The following SORCS3 variants were observed in gnomAD, a reference collection of about 807,000 sequenced individuals.
SORCS3 encodes the protein sortilin related VPS10 domain containing receptor 3, also known as VPS10 domain-containing receptor SorCS3.
SORCS3 carries 57 observed loss-of-function variants against 146.3 expected under a neutral mutation model. The ratio of observed to expected loss-of-function variants is 0.39; its 90% CI spans 0.31 to 0.49. SORCS3 has a LOEUF of 0.49. SORCS3 is among the 20% of genes least tolerant of loss of function. SORCS3 has a pLI of 0.92. For missense variants in SORCS3, 1,341 were observed against 1,575.5 expected (o/e 0.85, Z 2.52); for synonymous variants, 653 against 618.5 (o/e 1.06, Z -0.83).
chr10:104,859,347 G>C (rs1460121172), intron 2 of SORCS3, among the ~76,000 whole-genome samples: 3 of 152,090 alleles, frequency 2.0e-5, no homozygotes, highest in African/African-American at 7.2e-5. Flanking sequence ...AATGGTGCTG[G>C]GAAAATTGGC....
At chr10:104,931,856 C>T (rs533710094) in intron 3 of SORCS3, among the ~76,000 whole-genome samples, 1 of 152,320 alleles carries the variant, frequency 6.6e-6, no homozygotes, top group African/African-American at 2.4e-5. Flanking sequence ...AGAAGAATAG[C>T]ATGAAGATAG....
At chr10:104,732,332 G>A (rs1484029028) in intron 1 of SORCS3, among the ~76,000 whole-genome samples, 1 of 152,170 alleles carries the variant, frequency 6.6e-6, no homozygotes, top group East Asian at 1.9e-4. Context: ...AGAAACAGAA[G>A]CATGAGGTCA....
intron 1 of SORCS3, among the ~76,000 whole-genome samples, chr10:104,656,118 G>A (rs1331494941): frequency 6.6e-5 from 10 of 152,150 alleles, no homozygotes; most frequent in African/African-American, 2.4e-4. Context: ...TTTAACTTAG[G>A]AAGGGCAGAG....
intron 1 of SORCS3, among the ~76,000 whole-genome samples, chr10:104,678,870 A>G (rs572691485): frequency 6.6e-6 from 1 of 152,302 alleles, no homozygotes; most frequent in East Asian, 1.9e-4. Context: ...CCCAAGCCAA[A>G]CAAGAGAATC....
At chr10:105,195,315 A>G (rs999179389) in intron 14 of SORCS3, among the ~76,000 whole-genome samples, 1 of 152,140 alleles carries the variant, frequency 6.6e-6, no homozygotes, top group Non-Finnish European at 1.5e-5. Flanking sequence ...ATTATTATCA[A>G]TTAGAAGCGG....
At chr10:104,941,534 TC>T (rs891710717) in intron 3 of SORCS3, among the ~76,000 whole-genome samples, 3 of 152,152 alleles carry the variant, frequency 2.0e-5, no homozygotes, top group Admixed American at 2.0e-4. Flanking sequence ...TCTTTAGGGT[TC>T]TCAAGGCCAC....
At chr10:105,137,219 C>G (rs1167592889) in intron 7 of SORCS3, among the ~76,000 whole-genome samples, 1 of 152,114 alleles carries the variant, frequency 6.6e-6, no homozygotes, top group African/African-American at 2.4e-5. Flanking sequence ...GACTTGCCTT[C>G]TCGGATGCTG....
chr10:104,991,502 CCT>C (rs1491439249), intron 4 of SORCS3, among the ~76,000 whole-genome samples: 6 of 140,422 alleles, frequency 4.3e-5, no homozygotes, highest in African/African-American at 5.9e-5. Flanking sequence ...TCCTCTTCTT[CCT>C]TTTTTTTTTT....
intron 1 of SORCS3, among the ~76,000 whole-genome samples, chr10:104,786,163 T>C (rs936652398): frequency 6.6e-6 from 1 of 152,142 alleles, no homozygotes; most frequent in Non-Finnish European, 1.5e-5. Context: ...TAGCGCTTAT[T>C]TAGTTTCTAT....
rs1041172666 is a variant in SORCS3, at chr10:104,889,407, G to A, written c.696-26426G>A. Reference sequence around the variant, plus strand: ...ATCTGTTGCCTTACTCTTTATTTTCGATCTGTCCTATTGTTATTTGTTCCA... The same window carrying A: ...ATCTGTTGCCTTACTCTTTATTTTCAATCTGTCCTATTGTTATTTGTTCCA... On this transcript the variant is annotated intron_variant, in intron 2 of 26. Transcript: ENST00000369701. 3.0e-4 allele frequency among the ~76,000 whole-genome samples: 44 copies of A among 144,434 alleles called. 1 individual carries two copies. The highest frequency in any genetic ancestry group is 9.1e-5 in the Non-Finnish European group (6 of 66,208). The allele number at this position is 144,434 out of a possible 152,430, so 94.8% of individuals were successfully genotyped here.
At position 104,799,245 on chromosome 10, in the gene SORCS3, G is replaced by A. The variant is rs191139681; in HGVS notation, c.628-43547G>A. Among the ~76,000 whole-genome samples the A allele has an allele frequency of 3.2e-3, 488 of 152,226 alleles. 3 individuals carry two copies. The highest frequency in any genetic ancestry group is 0.01 in the African/African-American group (417 of 41,524). ...TTCTACAATAAAGACACATACACAC[G>A]TATGTTTATTGCGGCACTATTCACA... is the stretch of plus-strand genomic sequence containing the variant. On this transcript the variant is annotated intron_variant, in intron 1 of 26. Coordinates refer to ENST00000369701, the MANE Select transcript of SORCS3 (RefSeq NM_014978.3).
At chr10:104,772,300 G>T (rs1345492112) in intron 1 of SORCS3, among the ~76,000 whole-genome samples, 1 of 152,154 alleles carries the variant, frequency 6.6e-6, no homozygotes, top group Non-Finnish European at 1.5e-5. Context: ...CCTGTCCACT[G>T]CCCTGGCCCT....
intron 22 of SORCS3, among the ~76,000 whole-genome samples, chr10:105,250,354 A>G (rs1272158095): frequency 6.6e-6 from 1 of 152,186 alleles, no homozygotes; most frequent in Non-Finnish European, 1.5e-5. Flanking sequence ...TGTGTTATGT[A>G]TGGTTACGTT....
chr10:105,182,230 C>CTATTTTTTTTTTTT (rs2056446721), intron 14 of SORCS3, among the ~76,000 whole-genome samples: 1 of 70,486 alleles, frequency 1.4e-5, no homozygotes, highest in Non-Finnish European at 2.7e-5. Flanking sequence ...TATTCAGCAT[C>CTATTTTTTTTTTTT]TTTTTTTTTT....
chr10:104,741,176 G>A (rs1175380027), intron 1 of SORCS3, among the ~76,000 whole-genome samples: 1 of 103,962 alleles, frequency 9.6e-6, no homozygotes, highest in Non-Finnish European at 1.9e-5. Flanking sequence ...TTGCTATGTT[G>A]CCCAGGTTGT....
chr10:105,223,035 T>C, intron 19 of SORCS3, 81 bp from the exon 20 acceptor site: 1 of 1,406,390 alleles, frequency 7.1e-7, no homozygotes, highest in African/African-American at 1.4e-5. Context: ...GAATAGAATT[T>C]AAGGTTAAGA....
intron 13 of SORCS3, 48 bp from the exon 14 acceptor site, chr10:105,178,018 G>T (rs1244866153): frequency 7.1e-7 from 1 of 1,400,788 alleles, no homozygotes; most frequent in South Asian, 1.2e-5. Context: ...ACAGAAGAGT[G>T]TGGCTTTATT....
chr10:105,218,858 A>G (rs2056680698), intron 19 of SORCS3, among the ~76,000 whole-genome samples: 1 of 152,122 alleles, frequency 6.6e-6, no homozygotes, highest in Non-Finnish European at 1.5e-5. Context: ...TACTAGAAAT[A>G]CACAAAATTA....
intron 11 of SORCS3, among the ~76,000 whole-genome samples, chr10:105,162,533 C>G (rs2056274167): frequency 6.6e-6 from 1 of 152,232 alleles, no homozygotes; most frequent in Non-Finnish European, 1.5e-5. Flanking sequence ...CAAAGATCAA[C>G]TCCTCCTGGG....
Sources: gnomAD v4.1 joint callset for allele counts (sites outside exome capture counted in the v4.1 genomes callset) on GRCh38, gnomAD v4.1.1 for gene constraint, MANE v1.5 for transcripts, NCBI Gene and HGNC (gene_info 2026-07-23, HGNC 2026-07-21) for gene names.